Variants in IQSEC1 observed in about 807,000 individuals in gnomAD.
IQSEC1 encodes IQ motif and Sec7 domain ArfGEF 1.
A neutral mutation model predicts 91.0 loss-of-function variants in IQSEC1; 31 were observed. That is an observed-to-expected ratio of 0.34 (90% CI 0.26 to 0.46). The LOEUF (loss-of-function observed/expected upper bound fraction) is 0.46, where lower values mean the gene tolerates loss of function less well. IQSEC1 is among the 20% of genes least tolerant of loss of function. The pLI is 1.00. For synonymous variants in IQSEC1, 699 were observed against 662.6 expected, an observed-to-expected ratio of 1.05 and a Z score of -0.84; for missense variants, 1,388 against 1,575.6, an observed-to-expected ratio of 0.88 and a Z score of 2.02.
chr3:13,072,635 T>C (rs916524474), intron 1 of IQSEC1, among the ~76,000 whole-genome samples: 3 of 152,236 alleles, frequency 2.0e-5, no homozygotes, highest in Non-Finnish European at 4.4e-5. Flanking sequence ...ATGGGCGTGC[T>C]GGGCAGAGAT....
chr3:13,184,440 G>C (rs1693896293), intron 1 of IQSEC1, among the ~76,000 whole-genome samples: 1 of 152,204 alleles, frequency 6.6e-6, no homozygotes, highest in Non-Finnish European at 1.5e-5. Flanking sequence ...TGCCCATCAG[G>C]AATAGAAGGA....
At chr3:12,902,729 G>A (rs1170156894) in intron 13 of IQSEC1, 44 bp downstream of exon 13, 4 of 1,274,148 alleles carry the variant, frequency 3.1e-6, no homozygotes, top group East Asian at 2.4e-5. Flanking sequence ...GACTGGGGAA[G>A]GCGACACAGG....
At chr3:13,173,834 T>A (rs773987370) in intron 1 of IQSEC1, among the ~76,000 whole-genome samples, 1 of 152,216 alleles carries the variant, frequency 6.6e-6, no homozygotes, top group African/African-American at 2.4e-5. Context: ...TAGGAACCTG[T>A]TAGAAATGCA....
intron 1 of IQSEC1, among the ~76,000 whole-genome samples, chr3:12,988,707 G>A (rs754180351): frequency 1.3e-5 from 2 of 152,198 alleles, no homozygotes; most frequent in Non-Finnish European, 2.9e-5. Context: ...GGGGCTTTGG[G>A]CAATGCTCAG....
chr3:12,972,229 C>G (rs567651535), intron 1 of IQSEC1, among the ~76,000 whole-genome samples: 2 of 151,204 alleles, frequency 1.3e-5, no homozygotes, highest in East Asian at 1.9e-4. Flanking sequence ...GAGGATCACC[C>G]GAGTGTAGGA....
At chr3:13,232,347 G>C (rs1360129530) in intron 1 of IQSEC1, among the ~76,000 whole-genome samples, 1 of 152,258 alleles carries the variant, frequency 6.6e-6, no homozygotes, top group Non-Finnish European at 1.5e-5. Context: ...CTTCTCTGGA[G>C]GAAGGGGGTC....
chr3:12,952,871 T>G (rs898207047), intron 1 of IQSEC1, among the ~76,000 whole-genome samples: 1 of 152,152 alleles, frequency 6.6e-6, no homozygotes, highest in African/African-American at 2.4e-5. Context: ...AGAAGAGGGA[T>G]GAGGGCTCCA....
intron 1 of IQSEC1, among the ~76,000 whole-genome samples, chr3:12,959,892 A>G (rs1700137624): frequency 6.6e-6 from 1 of 152,188 alleles, no homozygotes; most frequent in Admixed American, 6.5e-5. Context: ...TTCTTGGGCC[A>G]TTTTGCCATT....
At chr3:12,947,597 G>A (rs573963926) in intron 1 of IQSEC1, among the ~76,000 whole-genome samples, 8 of 152,290 alleles carry the variant, frequency 5.3e-5, no homozygotes, top group Non-Finnish European at 7.4e-5. Flanking sequence ...GATGGGAATG[G>A]CCATGAGCAG....
intron 1 of IQSEC1, among the ~76,000 whole-genome samples, chr3:12,963,856 G>A (rs373141334): frequency 6.3e-4 from 96 of 152,302 alleles, no homozygotes; most frequent in African/African-American, 1.9e-3. Context: ...GAAAAGCTGC[G>A]TGTCCCCTGG....
chr3:13,171,490 G>T (rs192892762), intron 1 of IQSEC1, among the ~76,000 whole-genome samples: 1 of 152,044 alleles, frequency 6.6e-6, no homozygotes, highest in Non-Finnish European at 1.5e-5. Context: ...GACCTGATCA[G>T]CCCCAACCAC....
intron 3 of IQSEC1, among the ~76,000 whole-genome samples, chr3:12,930,472 C>T (rs1383274494): frequency 6.6e-6 from 1 of 152,208 alleles, no homozygotes; most frequent in African/African-American, 2.4e-5. Context: ...AGTCAGAGCC[C>T]TGCATCCTGC....
At position 12,903,810 on chromosome 3, in the gene IQSEC1, C is replaced by T. The variant is rs997445864; in HGVS notation, c.2756-988G>A. 5.3e-5 allele frequency among the ~76,000 whole-genome samples: 8 copies of T among 152,192 alleles called. No individual in the cohort carries two copies. In the East Asian group the frequency reaches 1.3e-3, roughly 26 times the overall value. On this transcript the variant is annotated intron_variant, in intron 12 of 13. Transcript: ENST00000613206. ...CCCCACTTGACACTCTAGAAGCTTC[C>T]ATCTGGGCAGCATCACCATGTATTG...
intron 6 of IQSEC1, among the ~76,000 whole-genome samples, chr3:12,919,093 G>A (rs967421873): frequency 9.0e-4 from 72 of 80,268 alleles, no homozygotes; most frequent in African/African-American, 4.1e-3. Flanking sequence ...GAGGCCCCGG[G>A]TGGATGTAGA....
chr3:13,273,600 T>C (rs1695624645), intron 1 of IQSEC1, among the ~76,000 whole-genome samples: 1 of 152,172 alleles, frequency 6.6e-6, no homozygotes. Flanking sequence ...CCAGCCCACG[T>C]GCTCCTGCCC....
intron 1 of IQSEC1, among the ~76,000 whole-genome samples, chr3:13,242,277 C>T (rs1695033570): frequency 6.6e-6 from 1 of 152,194 alleles, no homozygotes; most frequent in Non-Finnish European, 1.5e-5. Flanking sequence ...TTCTGAAGTC[C>T]TGGCCTACAG....
intron 1 of IQSEC1, among the ~76,000 whole-genome samples, chr3:13,245,305 T>A (rs370828267): frequency 3.9e-5 from 6 of 152,242 alleles, no homozygotes; most frequent in African/African-American, 1.4e-4. Context: ...GTGTTAGGGC[T>A]CTAAGGAAGA....
At chr3:13,021,711 C>T (rs1006848763) in intron 1 of IQSEC1, among the ~76,000 whole-genome samples, 3 of 152,248 alleles carry the variant, frequency 2.0e-5, no homozygotes, top group Non-Finnish European at 2.9e-5. Context: ...GGGTAACAGG[C>T]TCAGAGATGC....
At chr3:13,071,791 T>C (rs436588) in intron 1 of IQSEC1, among the ~76,000 whole-genome samples, 61,895 of 107,416 alleles carry the variant, frequency 0.58, 16,302 homozygotes, top group East Asian at 0.69. Context: ...TGCCATTCCC[T>C]GAACCAGAGG....
Sources: allele counts gnomAD v4.1 joint callset (sites outside exome capture counted in the v4.1 genomes callset), GRCh38; gene constraint gnomAD v4.1.1; transcripts MANE v1.5; gene names NCBI Gene and HGNC (gene_info 2026-07-23, HGNC 2026-07-21).